The following SH2D1B variants were observed in gnomAD, a reference collection of about 807,000 sequenced individuals.
SH2D1B encodes SH2 domain-containing protein 1B.
Under a neutral mutation model 16.3 loss-of-function variants are expected in SH2D1B, and 11 were observed. The observed-to-expected ratio is 0.67, with a 90% CI of 0.42 to 1.11. The LOEUF (loss-of-function observed/expected upper bound fraction) is 1.11, where lower values mean the gene tolerates loss of function less well. SH2D1B is among the 50% of genes most tolerant of loss of function. SH2D1B has a pLI of 0.00. For missense variants in SH2D1B, 123 were observed against 153.1 expected (o/e 0.80, Z 1.04); for synonymous variants, 55 against 56.1 (o/e 0.98, Z 0.09).
At chr1:162,405,288 G>A (rs1455319725) in intron 1 of SH2D1B, among the ~76,000 whole-genome samples, 1 of 152,206 alleles carries the variant, frequency 6.6e-6, no homozygotes, top group Non-Finnish European at 1.5e-5. Flanking sequence ...GTATGTTGAT[G>A]AGAAATTACA....
intron 2 of SH2D1B, among the ~76,000 whole-genome samples, chr1:162,400,457 A>ATTTTTTTTTTTTTTTTTTTTT (rs34822047): frequency 1.8e-5 from 2 of 110,840 alleles, no homozygotes; most frequent in African/African-American, 3.4e-5. Context: ...TACCTGGCTA[A>ATTTTTTTTTTTTTTTTTTTTT]TTTTTTTTTT....
chr1:162,397,521 C>T (rs1042229746), intron 3 of SH2D1B, among the ~76,000 whole-genome samples: 8 of 152,208 alleles, frequency 5.3e-5, no homozygotes, highest in Non-Finnish European at 1.2e-4. Context: ...AAGCCTCAGA[C>T]CTTCCAGCAC....
chr1:162,406,294 G>A (rs1032355341), intron 1 of SH2D1B, among the ~76,000 whole-genome samples: 4 of 152,050 alleles, frequency 2.6e-5, no homozygotes, highest in African/African-American at 9.7e-5. Context: ...GAGTCCACTG[G>A]ACTAAATTGC....
At chr1:162,406,255 C>G (rs1484668593) in intron 1 of SH2D1B, among the ~76,000 whole-genome samples, 1 of 152,038 alleles carries the variant, frequency 6.6e-6, no homozygotes, top group Non-Finnish European at 1.5e-5. Context: ...GATGTAAGTA[C>G]AAAAATGTTA....
At chr1:162,402,928 G>A (rs3121196) in intron 1 of SH2D1B, 126 bp from the exon 2 acceptor site, 577,446 of 652,446 alleles carry the variant, frequency 0.89, 256,589 homozygotes, top group African/African-American at 0.96. Context: ...TTTTTTTCTG[G>A]GACGGAATAT....
At chr1:162,399,675 C>T (rs747282391) in intron 2 of SH2D1B, among the ~76,000 whole-genome samples, 1 of 152,166 alleles carries the variant, frequency 6.6e-6, no homozygotes, top group Non-Finnish European at 1.5e-5. Flanking sequence ...AGCCCTCCAA[C>T]AGGCCCCTGT....
rs568624988 is a variant in SH2D1B at position 162,397,067 on chromosome 1, A to G, written c.*213T>C. ...CCAAGAAAGAAGAGTGAAACTGGAG[A>G]GGGTTTTGAAATTGCTCCTGGTATA... On this transcript the variant is annotated 3_prime_UTR_variant, in exon 4 of 4. Coordinates refer to ENST00000367929, the MANE Select transcript of SH2D1B (RefSeq NM_053282.5). 2 of 557,938 alleles carry G rather than the reference A, an allele frequency of 3.6e-6. No homozygotes were observed. The highest frequency in any genetic ancestry group is 2.1e-5 in the South Asian group (1 of 47,726). The allele number at this position is 557,938 out of a possible 1,614,324, so 34.6% of individuals were successfully genotyped here.
chr1:162,403,701 TAC>T (rs57093863), intron 1 of SH2D1B, among the ~76,000 whole-genome samples: 10,947 of 132,042 alleles, frequency 0.083, 572 homozygotes, highest in East Asian at 0.22. Context: ...TGAAGAAAGT[TAC>T]ACACACACAC....
chr1:162,404,670 T>C (rs1378750325), intron 1 of SH2D1B, among the ~76,000 whole-genome samples: 1 of 152,144 alleles, frequency 6.6e-6, no homozygotes, highest in Non-Finnish European at 1.5e-5. Flanking sequence ...AGAAAATACA[T>C]GGATGGCAAA....
intron 1 of SH2D1B, among the ~76,000 whole-genome samples, chr1:162,409,569 TTTTCCA>T (rs1443994949): frequency 6.6e-5 from 10 of 151,976 alleles, no homozygotes; most frequent in Non-Finnish European, 1.5e-4. Context: ...TAAGCAGATC[TTTTCCA>T]CTCTTTGTTT....
rs559718923 is a variant in SH2D1B, at chr1:162,399,834, G to A, written c.199-747C>T. ...CCATCCATGTCCCTGCAAAGGACAT[G>A]ATTTCATTCTTTTTTGACCTAAGCT... On this transcript the variant is annotated intron_variant, in intron 2 of 3. Coordinates refer to ENST00000367929, the MANE Select transcript of SH2D1B (RefSeq NM_053282.5). 4.6e-5 allele frequency among the ~76,000 whole-genome samples: 7 copies of A among 152,306 alleles called. No homozygotes were observed. In the South Asian group the frequency reaches 1.5e-3, roughly 32 times the overall value.
chr1:162,410,714 T>G (rs1413649291), intron 1 of SH2D1B, among the ~76,000 whole-genome samples: 1 of 150,412 alleles, frequency 6.6e-6, no homozygotes, highest in African/African-American at 2.5e-5. Flanking sequence ...TGGAGTGCAA[T>G]GGCACAATCT....
At chr1:162,411,819 T>C in intron 1 of SH2D1B, 64 bp downstream of exon 1, 2 of 1,601,044 alleles carry the variant, frequency 1.2e-6, no homozygotes, top group Admixed American at 1.7e-5. Flanking sequence ...ATTCCTGTAC[T>C]GTGTGGCAGC....
rs1648385656 is a variant in SH2D1B at position 162,396,623 on chromosome 1, T to G, written c.*657A>C. 6.6e-6 allele frequency: 1 copy of G among 152,590 alleles called. No individual in the cohort carries two copies. The highest frequency in any genetic ancestry group is 2.1e-4 in the South Asian group (1 of 4,804). The allele number at this position is 152,590 out of a possible 1,614,324, so 9.5% of individuals were successfully genotyped here. On this transcript the variant is annotated 3_prime_UTR_variant, in exon 4 of 4. Coordinates refer to ENST00000367929, the MANE Select transcript of SH2D1B (RefSeq NM_053282.5). ...CAGGGAGAAAGTGTGGCTGGGGCAA[T>G]GCTCACCAGGAAGTTTAAGATTAGA...
At chr1:162,407,893 G>T (rs1475329733) in intron 1 of SH2D1B, among the ~76,000 whole-genome samples, 2 of 152,186 alleles carry the variant, frequency 1.3e-5, no homozygotes, top group Non-Finnish European at 2.9e-5. Context: ...TTAGGACCAC[G>T]CATGGAACAT....
At chr1:162,403,360 A>C (rs1648568215) in intron 1 of SH2D1B, among the ~76,000 whole-genome samples, 1 of 150,300 alleles carries the variant, frequency 6.7e-6, no homozygotes, top group South Asian at 2.1e-4. Context: ...GTGGTGGCGT[A>C]TGCCTGTAAT....
Position 162,402,788 on chromosome 1 carries a change from A to C in SH2D1B, c.149T>G (p.Val50Gly), listed in dbSNP as rs1326756358. The C allele has an allele frequency of 6.2e-7, 1 of 1,613,760 alleles. No homozygotes were observed. The highest frequency in any genetic ancestry group is 8.5e-7 in the Non-Finnish European group (1 of 1,179,770). Residue 50 changes from valine to glycine, a missense_variant, in exon 2 of 4, where the codon GTC becomes GGC. Val to Gly is a moderately radical substitution (Grantham distance 109). Transcript: ENST00000367929. Reference protein sequence around the residue: ...LCLCVSFKNIVYTYRIFREKH... With the variant: ...LCLCVSFKNIGYTYRIFREKH... ...CTCTCTGAAGATTCGGTATGTGTAG[A>C]CAATATTTTTAAACCTGTGGAAAAA...
chr1:162,402,447 G>A (rs1215523204), intron 2 of SH2D1B: 2 of 210,124 alleles, frequency 9.5e-6, no homozygotes, highest in Non-Finnish European at 1.9e-5. Context: ...GAACCCGGGA[G>A]GCGGAGGTTG....
intron 1 of SH2D1B, among the ~76,000 whole-genome samples, chr1:162,403,523 T>A (rs1205566072): frequency 0.044 from 1,601 of 36,426 alleles, 34 homozygotes; most frequent in Non-Finnish European, 0.067. Flanking sequence ...TATATATATA[T>A]ATATATATAT....
Sources: gnomAD v4.1 joint callset for allele counts (sites outside exome capture counted in the v4.1 genomes callset) on GRCh38, gnomAD v4.1.1 for gene constraint, MANE v1.5 for transcripts, NCBI Gene and HGNC (gene_info 2026-07-23, HGNC 2026-07-21) for gene names.